Variants in POM121C observed in about 807,000 individuals in gnomAD.
POM121C encodes the protein nuclear envelope pore membrane protein POM 121C.
In POM121C, 20 loss-of-function variants were observed where a neutral mutation model predicts 66.4. That is an observed-to-expected ratio of 0.30 (90% CI 0.21 to 0.44). POM121C has a LOEUF of 0.44. Ranked by LOEUF, POM121C falls within the 20% of genes least tolerant of loss-of-function variation. POM121C has a pLI of 1.00. For synonymous variants in POM121C, 286 were observed against 528.0 expected (o/e 0.54, Z 6.28); for missense variants, 580 against 1,225.7 (o/e 0.47, Z 7.87).
chr7:75,471,828 A>G (rs1791890373), intron 3 of POM121C, among the ~76,000 whole-genome samples: 1 of 152,192 alleles, frequency 6.6e-6, no homozygotes, highest in Admixed American at 6.5e-5. Context: ...TTGCTCAACA[A>G]TGCAAATACA....
chr7:75,456,455 C>G (rs1226423100), intron 3 of POM121C, among the ~76,000 whole-genome samples: 5 of 152,156 alleles, frequency 3.3e-5, no homozygotes. Context: ...TAGTCCTACT[C>G]CATGTCCAGC....
At chr7:75,427,866 C>T (rs1225010399) in intron 7 of POM121C, among the ~76,000 whole-genome samples, 1 of 152,066 alleles carries the variant, frequency 6.6e-6, no homozygotes, top group Non-Finnish European at 1.5e-5. Flanking sequence ...TGGTAAGCAG[C>T]AGAACAGTTC....
intron 7 of POM121C, among the ~76,000 whole-genome samples, chr7:75,434,159 A>G (rs587599359): frequency 6.6e-6 from 1 of 152,356 alleles, no homozygotes; most frequent in African/African-American, 2.4e-5. Flanking sequence ...TTTGGCTGGT[A>G]GCCCTTCAGA....
rs782273817 is a variant in POM121C at position 75,425,713 on chromosome 7, T to G, written c.573-5A>C. 1.6e-5 allele frequency: 25 copies of G among 1,610,152 alleles called. No homozygotes were observed. Among genetic ancestry groups the G allele is most frequent in the Non-Finnish European group, 2.0e-5 (24 of 1,178,446 alleles). On this transcript the variant is annotated splice_polypyrimidine_tract_variant and splice_region_variant and intron_variant, in intron 8 of 14. Transcript: ENST00000615331. ...TGATGACACAGCTCTTCTTCTCTGT[T>G]GGGAAAAAAGGAACAATTTAGTCTA...
At chr7:75,435,349 C>T (rs1490818818) in intron 7 of POM121C, among the ~76,000 whole-genome samples, 2 of 151,802 alleles carry the variant, frequency 1.3e-5, no homozygotes, top group East Asian at 1.9e-4. Context: ...TACACTGATA[C>T]GCATACCGTT....
At position 75,417,157 on chromosome 7, in the gene POM121C, T is replaced by C. The variant is rs587664426; in HGVS notation, c.*1639A>G. 4 of 995,710 alleles carry C rather than the reference T, an allele frequency of 4.0e-6. No individual in the cohort carries two copies. The African/African-American group carries it at 5.2e-5, about 13-fold the overall frequency. 61.7% of individuals were successfully genotyped at this position (995,710 alleles called of 1,614,324 possible). On this transcript the variant is annotated 3_prime_UTR_variant, in exon 15 of 15. Coordinates refer to ENST00000615331, the MANE Select transcript of POM121C (RefSeq NM_001099415.3). ...CCTCAGCTGCACACGCAGCCAGGTA[T>C]AACACTCGCCCTCAGTCACAACGGG...
chr7:75,477,660 G>A (rs1792142319), intron 1 of POM121C, among the ~76,000 whole-genome samples: 1 of 152,068 alleles, frequency 6.6e-6, no homozygotes, highest in African/African-American at 2.4e-5. Context: ...CAGGTGTGGT[G>A]GCTCATGCCT....
intron 7 of POM121C, among the ~76,000 whole-genome samples, chr7:75,436,290 C>T (rs1554473018): frequency 6.6e-6 from 1 of 152,120 alleles, no homozygotes. Context: ...GAAACCAAAG[C>T]TTTTTGAAGA....
At position 75,417,311 on chromosome 7, in the gene POM121C, C is replaced by A. The variant is rs1465551685; in HGVS notation, c.*1485G>T. The A allele has an allele frequency of 2.3e-6, 2 of 872,390 alleles. No individual in the cohort carries two copies. The highest frequency in any genetic ancestry group is 3.7e-5 in the African/African-American group (2 of 54,706). 54.0% of individuals were successfully genotyped at this position (872,390 alleles called of 1,614,324 possible). A position where few individuals can be genotyped will look rare whatever the true frequency, so the allele number is the denominator to read the frequency against. On this transcript the variant is annotated 3_prime_UTR_variant, in exon 15 of 15. Coordinates refer to ENST00000615331, the MANE Select transcript of POM121C (RefSeq NM_001099415.3). ...GGACAGCATTTGAGCCTCTTCTTTG[C>A]ACAGGCATAACTTAACTATACAGCT...
intron 3 of POM121C, among the ~76,000 whole-genome samples, chr7:75,449,587 C>T (rs1790952778): frequency 6.6e-6 from 1 of 152,084 alleles, no homozygotes; most frequent in East Asian, 1.9e-4. Flanking sequence ...AGGATGGTCT[C>T]GATCTCCTGA....
At chr7:75,419,151 A>G (rs1456880195) in intron 14 of POM121C, among the ~76,000 whole-genome samples, 169 bp downstream of exon 14, 4 of 152,122 alleles carry the variant, frequency 2.6e-5, no homozygotes. Context: ...CTCCTCTCTG[A>G]TCTCTGCCAT....
chr7:75,433,810 A>G (rs1790286807), intron 7 of POM121C, among the ~76,000 whole-genome samples: 1 of 152,152 alleles, frequency 6.6e-6, no homozygotes, highest in African/African-American at 2.4e-5. Context: ...TTACACCAAT[A>G]CTGTAAGTTA....
At chr7:75,433,868 C>A (rs1790289133) in intron 7 of POM121C, among the ~76,000 whole-genome samples, 1 of 152,222 alleles carries the variant, frequency 6.6e-6, no homozygotes, top group Non-Finnish European at 1.5e-5. Context: ...TTCCAAGCTG[C>A]TGTTATTAAA....
intron 3 of POM121C, among the ~76,000 whole-genome samples, chr7:75,461,770 T>C (rs587632113): frequency 1.4e-4 from 22 of 152,170 alleles, no homozygotes; most frequent in Non-Finnish European, 2.8e-4. Context: ...TCTGTGACTG[T>C]AAAATAATTA....
intron 3 of POM121C, among the ~76,000 whole-genome samples, chr7:75,471,978 C>T (rs1352369690): frequency 3.3e-5 from 5 of 151,900 alleles, no homozygotes; most frequent in South Asian, 4.2e-4. Flanking sequence ...CTCTGCCTCC[C>T]GGGTTCAGGC....
intron 3 of POM121C, among the ~76,000 whole-genome samples, chr7:75,471,851 G>A (rs1187420229): frequency 2.6e-5 from 4 of 152,106 alleles, no homozygotes; most frequent in Non-Finnish European, 5.9e-5. Context: ...TAACATTACC[G>A]TACACTTAAA....
rs782502376 is a variant in POM121C, at chr7:75,424,131, G to T, written c.966C>A (p.Thr322=). ...GGTTGGTGCTTGGGGCCAGGAGGGA[G>T]GTGGGTGGGGAGGCAGTTGCAGCAG... The part of the protein sequence containing the change: ...LPAAATASPP[T]SLLAPSTNPL... Residue 322 remains threonine, a synonymous_variant, in exon 12 of 15, where the codon ACC becomes ACA. Coordinates refer to ENST00000615331, the MANE Select transcript of POM121C (RefSeq NM_001099415.3). 2 of 1,612,014 alleles carry T rather than the reference G, an allele frequency of 1.2e-6. No homozygotes were observed. The highest frequency in any genetic ancestry group is 1.7e-6 in the Non-Finnish European group (2 of 1,179,858).
chr7:75,427,575 A>G (rs1307035067), intron 7 of POM121C, among the ~76,000 whole-genome samples: 1 of 151,204 alleles, frequency 6.6e-6, no homozygotes, highest in Non-Finnish European at 1.5e-5. Flanking sequence ...CTTGACAGCA[A>G]AGATGGTGTT....
chr7:75,452,728 TAA>T (rs1341839351), intron 3 of POM121C, among the ~76,000 whole-genome samples: 10 of 152,178 alleles, frequency 6.6e-5, no homozygotes, highest in Non-Finnish European at 1.5e-4. Context: ...CCAAGCTACC[TAA>T]AGTTTGTATT....
Sources: allele counts gnomAD v4.1 joint callset (sites outside exome capture counted in the v4.1 genomes callset), GRCh38; gene constraint gnomAD v4.1.1; transcripts MANE v1.5; gene names NCBI Gene and HGNC (gene_info 2026-07-23, HGNC 2026-07-21).